The following SHF variants were observed in gnomAD, a reference collection of about 807,000 sequenced individuals.
The protein encoded by SHF is SH2 domain-containing adapter protein F.
Under a neutral mutation model 42.4 loss-of-function variants are expected in SHF, and 30 were observed. The observed-to-expected ratio is 0.71, with a 90% CI of 0.53 to 0.96. The LOEUF is 0.96. SHF is among the 40% of genes least tolerant of loss of function. SHF has a pLI of 0.00. For missense variants in SHF, 598 were observed against 634.0 expected, an observed-to-expected ratio of 0.94 and a Z score of 0.61; for synonymous variants, 264 against 269.9, an observed-to-expected ratio of 0.98 and a Z score of 0.21.
upstream of SHF, among the ~76,000 whole-genome samples, chr15:45,191,868 C>T (rs1286311473): frequency 6.7e-6 from 1 of 150,066 alleles, no homozygotes; most frequent in East Asian, 2.0e-4. Flanking sequence ...GTGGGCGGAT[C>T]ACTTGAACTC....
chr15:45,172,323 G>A lies in SHF; in HGVS notation c.989-5C>T, dbSNP rs768717040. On this transcript the variant is annotated splice_polypyrimidine_tract_variant and splice_region_variant and intron_variant, in intron 4 of 6. Transcript: ENST00000690270. ...TCTCCGGTCCTTCAAACTGGGCTGT[G>A]GGGAACATATCAATCATGGACTCTA... is the stretch of plus-strand genomic sequence containing the variant. 6.3e-6 allele frequency: 10 copies of A among 1,590,410 alleles called. No homozygotes were observed. The highest frequency in any genetic ancestry group is 1.7e-4 in the Middle Eastern group (1 of 5,924).
intron 1 of SHF, among the ~76,000 whole-genome samples, chr15:45,185,737 T>C (rs1242556840): frequency 1.3e-5 from 2 of 152,210 alleles, no homozygotes; most frequent in Non-Finnish European, 2.9e-5. Flanking sequence ...AGTCTCTGCA[T>C]AGAACTGTGT....
chr15:45,171,665 A>G, intron 6 of SHF: 2 of 596,446 alleles, frequency 3.4e-6, no homozygotes, highest in Non-Finnish European at 5.9e-6. Context: ...CTAGAACAGA[A>G]CCCTTCTGAG....
chr15:45,197,912 G>A (rs74900528), intron 2 of SHF, among the ~76,000 whole-genome samples: 2,486 of 151,588 alleles, frequency 0.016, 81 homozygotes, highest in African/African-American at 0.058. Context: ...ATTCACATAC[G>A]TATATGCATA....
chr15:45,170,587 C>A, intron 6 of SHF: 1 of 426,424 alleles, frequency 2.3e-6, no homozygotes, highest in Non-Finnish European at 4.0e-6. Flanking sequence ...TGTATCAAAT[C>A]CAAGAATAGA....
At chr15:45,170,645 CTTTT>C (rs146136602) in intron 6 of SHF, 253 of 221,222 alleles carry the variant, frequency 1.1e-3, no homozygotes, top group South Asian at 2.1e-3. Flanking sequence ...TTATCTTTTT[CTTTT>C]TTTTTTTTTT....
rs773800910 is a variant in SHF at position 45,178,255 on chromosome 15, C to T, written c.550G>A (p.Glu184Lys). The change falls in exon 2 of 7, where the codon GAA becomes AAA. Residue 184 changes from glutamate (E) to lysine (K), a missense_variant. Glu to Lys is a moderately conservative substitution (Grantham distance 56). This residue lies in a region of SHF where 439 missense variants were observed against 524.6 expected (regional missense o/e 0.84). Coordinates refer to ENST00000690270, the MANE Select transcript of SHF (RefSeq NM_001394037.1). Reference sequence around the variant, plus strand: ...GCTCCTGAAGCTCCTGCTGAGCCTTCGCCAGTCTCCTGAACATCAAACGGG... The same window carrying T: ...GCTCCTGAAGCTCCTGCTGAGCCTTTGCCAGTCTCCTGAACATCAAACGGG... ...ADPFDVQETGEGSAGASGAPE... is the reference protein window; with the variant it reads ...ADPFDVQETGKGSAGASGAPE... 6.2e-6 allele frequency: 10 copies of T among 1,613,862 alleles called. No homozygotes were observed. Among genetic ancestry groups the T allele is most frequent in the South Asian group, 5.5e-5 (5 of 91,092 alleles).
chr15:45,192,695 C>T (rs1018094526), upstream of SHF, among the ~76,000 whole-genome samples: 3 of 152,102 alleles, frequency 2.0e-5, no homozygotes, highest in Non-Finnish European at 4.4e-5. Context: ...AATTAAGTTT[C>T]CCCATTTCAT....
intron 2 of SHF, among the ~76,000 whole-genome samples, chr15:45,198,332 G>A (rs1939749785): frequency 6.6e-6 from 1 of 151,906 alleles, no homozygotes; most frequent in African/African-American, 2.4e-5. Flanking sequence ...TACATGAAAA[G>A]AGAAAAAAAT....
chr15:45,189,282 C>G (rs895589474), upstream of SHF, among the ~76,000 whole-genome samples: 2 of 151,300 alleles, frequency 1.3e-5, no homozygotes, highest in Non-Finnish European at 2.9e-5. Context: ...CCAACACCAA[C>G]ACATTTGCTC....
rs112318867 is a variant in SHF at position 45,195,004 on chromosome 15, AT to A, written c.303+3767del. On this transcript the variant is annotated intron_variant, in intron 2 of 7. Transcript: ENST00000290894. ...ACCACCATGCCCAGCTAATATTTTG[AT>A]TTTTTTTGCAGAGATGAGGTCTCAC... 8.4e-3 allele frequency among the ~76,000 whole-genome samples: 1,264 copies of A among 151,152 alleles called. 13 individuals are homozygous for A. The highest frequency in any genetic ancestry group is 0.029 in the African/African-American group (1,184 of 41,196).
intron 6 of SHF, among the ~76,000 whole-genome samples, chr15:45,169,572 G>A (rs1317374487): frequency 6.6e-6 from 1 of 152,250 alleles, no homozygotes; most frequent in East Asian, 1.9e-4. Context: ...GCTCAAGGCT[G>A]TGGGCAGCAG....
At chr15:45,193,274 G>A (rs1898760082) in intron 2 of SHF, among the ~76,000 whole-genome samples, 1 of 152,156 alleles carries the variant, frequency 6.6e-6, no homozygotes, top group Admixed American at 6.5e-5. Context: ...ACAGCCTCAG[G>A]AGGTCCTGAG....
At chr15:45,191,860 G>GAACTCACTT (rs1478943916), upstream of SHF, among the ~76,000 whole-genome samples, 5 of 151,452 alleles carry the variant, frequency 3.3e-5, no homozygotes, top group Non-Finnish European at 5.9e-5. Context: ...TGGCCGAGGT[G>GAACTCACTT]GGCGGATCAC....
chr15:45,167,906 A>C lies in SHF; in HGVS notation c.*41T>G, dbSNP rs1198418215. ...CAGCCCTCAGCCAGGTGATGGGCAC[A>C]GGGCTGGGTACAGGTCTATCACAGT... On this transcript the variant is annotated 3_prime_UTR_variant, in exon 7 of 7. Transcript: ENST00000690270. 6.8e-7 allele frequency: 1 copy of C among 1,479,632 alleles called. No homozygotes were observed. Among genetic ancestry groups the C allele is most frequent in the African/African-American group, 1.4e-5 (1 of 71,458 alleles). The allele number at this position is 1,479,632 out of a possible 1,614,324, so 91.7% of individuals were successfully genotyped here. A position where few individuals can be genotyped will look rare whatever the true frequency, so the allele number is the denominator to read the frequency against.
chr15:45,174,411 A>C (rs1274438240), intron 3 of SHF: 1 of 153,082 alleles, frequency 6.5e-6, no homozygotes, highest in African/African-American at 2.4e-5. Flanking sequence ...GCTTTACAGG[A>C]AGAATATTAG....
intron 2 of SHF, among the ~76,000 whole-genome samples, chr15:45,198,282 A>C (rs1411990312): frequency 6.6e-6 from 1 of 152,082 alleles, no homozygotes; most frequent in Non-Finnish European, 1.5e-5. Context: ...AAAATAAATA[A>C]ATAAGTAAAA....
At chr15:45,198,820 T>C (rs1310332015) in exon 2 of SHF, 1 of 1,613,962 alleles carries the variant, frequency 6.2e-7, no homozygotes. Flanking sequence ...GCAGGCGCGT[T>C]GTACTCCGCC....
In SHF at chr15:45,178,286, A is replaced by C. The variant is rs754658052; in HGVS notation, c.519T>G (p.Tyr173Ter). 1 of 1,613,882 alleles carries C rather than the reference A, an allele frequency of 6.2e-7. No homozygotes were observed. Among genetic ancestry groups the C allele is most frequent in the Non-Finnish European group, 8.5e-7 (1 of 1,179,842 alleles). ...TCTCCTGAACATCAAACGGGTCCGC[A>C]TAGTCTTCTAGGATAGCTAGCTGTG... ...SSDRLAILEDYADPFDVQETG... is the reference protein window; with the variant it reads ...SSDRLAILED Residue 173 changes from tyrosine (Y) to a stop codon, truncating the protein, a stop_gained, in exon 2 of 7, where the codon TAT (tyrosine) becomes TAG (stop). Transcript: ENST00000690270. LOFTEE classifies it high-confidence loss of function.
Sources: allele counts gnomAD v4.1 joint callset (sites outside exome capture counted in the v4.1 genomes callset), GRCh38; gene constraint gnomAD v4.1.1; regional missense constraint gnomAD v4.1.1; transcripts MANE v1.5; gene names NCBI Gene and HGNC (gene_info 2026-07-23, HGNC 2026-07-21).